SORCS1: variants seen among roughly 807,000 people sequenced by gnomAD.
The protein encoded by SORCS1 is sortilin related VPS10 domain containing receptor 1.
In SORCS1, 60 loss-of-function variants were observed where a neutral mutation model predicts 146.1. That is an observed-to-expected ratio of 0.41 (90% confidence interval 0.33 to 0.51). The LOEUF is 0.51. Among genes scored for constraint, SORCS1 ranks in the 20% least tolerant of loss-of-function variants. The pLI, the probability that SORCS1 is intolerant of heterozygous loss-of-function variation, is 0.21. For missense variants in SORCS1, 1,352 were observed against 1,487.6 expected (o/e 0.91, Z 1.50); for synonymous variants, 637 against 584.0 (o/e 1.09, Z -1.31).
chr10:106,906,068 G>T (rs751222392), intron 2 of SORCS1, among the ~76,000 whole-genome samples: 1 of 152,142 alleles, frequency 6.6e-6, no homozygotes, highest in African/African-American at 2.4e-5. Context: ...TTTTCATGCT[G>T]CTGATAAAGA....
At chr10:106,631,609 G>A (rs184041247) in intron 18 of SORCS1, among the ~76,000 whole-genome samples, 1 of 152,314 alleles carries the variant, frequency 6.6e-6, no homozygotes, top group African/African-American at 2.4e-5. Flanking sequence ...ACGGAAGAGG[G>A]AGACAGACAA....
the SORCS1 span, among the ~76,000 whole-genome samples, chr10:107,177,720 T>G: frequency 0.035 from 5,398 of 152,312 alleles, 308 homozygotes; most frequent in African/African-American, 0.12. Flanking sequence ...ACCTTGAATG[T>G]TTATCATTTC....
At chr10:106,858,052 C>T (rs1438347416) in intron 2 of SORCS1, among the ~76,000 whole-genome samples, 1 of 152,148 alleles carries the variant, frequency 6.6e-6, no homozygotes, top group Non-Finnish European at 1.5e-5. Context: ...CTGAACCTTT[C>T]AGCGTAACTT....
chr10:107,102,064 T>G (rs554136557), intron 1 of SORCS1, among the ~76,000 whole-genome samples: 1 of 152,204 alleles, frequency 6.6e-6, no homozygotes, highest in African/African-American at 2.4e-5. Flanking sequence ...CTGGACCTTA[T>G]GAAACGATTT....
intron 1 of SORCS1, among the ~76,000 whole-genome samples, chr10:107,113,036 C>A (rs936428908): frequency 6.6e-6 from 1 of 152,134 alleles, no homozygotes; most frequent in African/African-American, 2.4e-5. Context: ...AACATTCCAT[C>A]CAACAGCAAC....
chr10:106,893,152 C>T (rs1420900512), intron 2 of SORCS1, among the ~76,000 whole-genome samples: 1 of 152,122 alleles, frequency 6.6e-6, no homozygotes, highest in South Asian at 2.1e-4. Context: ...ATCCACCCGC[C>T]TCAGCCTCCC....
chr10:107,096,017 T>A (rs1424583140), intron 1 of SORCS1, among the ~76,000 whole-genome samples: 1 of 152,170 alleles, frequency 6.6e-6, no homozygotes, highest in Admixed American at 6.5e-5. Context: ...CTTGTATATA[T>A]GAAACCCTCA....
Position 106,769,034 on chromosome 10 carries a change from T to C in SORCS1, c.886-7373A>G, listed in dbSNP as rs76078989. On this transcript the variant is annotated intron_variant, in intron 4 of 25. Coordinates refer to ENST00000263054, the MANE Select transcript of SORCS1 (RefSeq NM_052918.5). ...AGCTGATCCTCTTACCAGCTCACTC[T>C]ACTGTCGGTCAGTGGTGAGAAACCT... 9.2e-3 allele frequency among the ~76,000 whole-genome samples: 1,405 copies of C among 152,346 alleles called. 22 individuals carry two copies. The highest frequency in any genetic ancestry group is 0.032 in the African/African-American group (1,336 of 41,566).
At position 106,753,473 on chromosome 10, in the gene SORCS1, C is replaced by T. The variant is rs111817132; in HGVS notation, c.959+8115G>A. 3.6e-3 allele frequency among the ~76,000 whole-genome samples: 547 copies of T among 152,068 alleles called. 2 individuals are homozygous for T. The highest frequency in any genetic ancestry group is 0.012 in the African/African-American group (516 of 41,474). On this transcript the variant is annotated intron_variant, in intron 5 of 25. Coordinates refer to ENST00000263054, the MANE Select transcript of SORCS1 (RefSeq NM_052918.5). ...GAGGGATAAAAACCTGAAGTTGGCT[C>T]GGCAGCAATATTCAACAAGGCCTTG...
At chr10:106,672,741 T>C (rs1163994484) in intron 15 of SORCS1, 127 bp downstream of exon 15, 2 of 717,254 alleles carry the variant, frequency 2.8e-6, no homozygotes, top group African/African-American at 3.5e-5. Context: ...AACACAAATG[T>C]GTAAGAAAAC....
chr10:106,831,887 C>A (rs963995145), intron 2 of SORCS1, among the ~76,000 whole-genome samples: 15 of 152,124 alleles, frequency 9.9e-5, no homozygotes, highest in African/African-American at 3.6e-4. Flanking sequence ...TTAGAAAGAG[C>A]ATCACAGACT....
At chr10:106,694,553 A>G (rs957167502) in intron 9 of SORCS1, among the ~76,000 whole-genome samples, 3 of 152,214 alleles carry the variant, frequency 2.0e-5, no homozygotes, top group Admixed American at 2.0e-4. Flanking sequence ...GGCCAATAGT[A>G]CATTCAATAT....
chr10:106,774,646 G>C (rs1860291392), intron 4 of SORCS1, among the ~76,000 whole-genome samples: 1 of 152,104 alleles, frequency 6.6e-6, no homozygotes, highest in Admixed American at 6.6e-5. Flanking sequence ...AAGACTTCTA[G>C]AGTAGACAGA....
At chr10:106,609,405 T>C (rs1269541933) in intron 22 of SORCS1, among the ~76,000 whole-genome samples, 1 of 152,230 alleles carries the variant, frequency 6.6e-6, no homozygotes, top group African/African-American at 2.4e-5. Flanking sequence ...TAATACTAAA[T>C]TTTGTTTCAT....
chr10:106,603,506 G>A (rs996976347), intron 23 of SORCS1, among the ~76,000 whole-genome samples: 2 of 152,188 alleles, frequency 1.3e-5, no homozygotes, highest in Non-Finnish European at 2.9e-5. Flanking sequence ...TCCCCAGGAA[G>A]GCTCTCAGAG....
intron 1 of SORCS1, among the ~76,000 whole-genome samples, chr10:107,096,622 C>T (rs1029942449): frequency 6.6e-6 from 1 of 152,174 alleles, no homozygotes; most frequent in Non-Finnish European, 1.5e-5. Context: ...AGCGATTCTC[C>T]TGCCTCAGCC....
intron 2 of SORCS1, among the ~76,000 whole-genome samples, chr10:106,903,226 C>G (rs898954856): frequency 6.6e-6 from 1 of 152,162 alleles, no homozygotes; most frequent in Non-Finnish European, 1.5e-5. Flanking sequence ...ATTGGAGAGT[C>G]TTGTGGTTCA....
At chr10:106,990,715 C>T (rs1001602147) in intron 1 of SORCS1, among the ~76,000 whole-genome samples, 1 of 152,200 alleles carries the variant, frequency 6.6e-6, no homozygotes, top group African/African-American at 2.4e-5. Flanking sequence ...CTTCACATCT[C>T]CCATTTTCCA....
intron 3 of SORCS1, among the ~76,000 whole-genome samples, chr10:106,790,517 A>G (rs947011404): frequency 5.9e-5 from 9 of 152,228 alleles, no homozygotes; most frequent in Non-Finnish European, 1.2e-4. Flanking sequence ...GAGGGGTCCA[A>G]GCTTCTCATT....
Sources: allele counts gnomAD v4.1 joint callset (sites outside exome capture counted in the v4.1 genomes callset), GRCh38; gene constraint gnomAD v4.1.1; transcripts MANE v1.5; gene names NCBI Gene and HGNC (gene_info 2026-07-23, HGNC 2026-07-21).